GOLGA3: variants seen among roughly 807,000 people sequenced by gnomAD.
GOLGA3 encodes the protein golgin A3, also known as golgin subfamily A member 3.
In GOLGA3, 75 loss-of-function variants were observed where a neutral mutation model predicts 169.4. The observed-to-expected ratio is 0.44, with a 90% CI of 0.37 to 0.54. GOLGA3 has a LOEUF of 0.54. Ranked by LOEUF, GOLGA3 falls within the 20% of genes least tolerant of loss-of-function variation. GOLGA3 has a pLI of 0.00. For synonymous variants in GOLGA3, 824 were observed against 822.4 expected (o/e 1.00, Z -0.03); for missense variants, 1,899 against 1,930.0 (o/e 0.98, Z 0.30).
intron 18 of GOLGA3, among the ~76,000 whole-genome samples, chr12:132,778,432 G>A (rs556532939): frequency 1.4e-4 from 21 of 151,680 alleles, no homozygotes; most frequent in Non-Finnish European, 2.5e-4. Context: ...TTAGCCAGGC[G>A]TGGTGGCGGG....
In GOLGA3 at chr12:132,791,343, A is replaced by C. The variant is rs746785457; in HGVS notation, c.2470-50T>G. The C allele has an allele frequency of 5.9e-6, 6 of 1,024,090 alleles. No homozygotes were observed. The African/African-American group carries it at 9.5e-5, about 16-fold the overall frequency. The allele number at this position is 1,024,090 out of a possible 1,614,324, so 63.4% of individuals were successfully genotyped here. On this transcript the variant is annotated intron_variant, in intron 11 of 23. Coordinates refer to ENST00000450791, the MANE Select transcript of GOLGA3 (RefSeq NM_001389683.1). Reference sequence around the variant, plus strand: ...TTACACTGACGGCTCCAGGAGGGGAATCTGTCTGCACAGATGTTACACTGA... The same window carrying C: ...TTACACTGACGGCTCCAGGAGGGGACTCTGTCTGCACAGATGTTACACTGA...
intron 14 of GOLGA3, 55 bp downstream of exon 14, chr12:132,786,638 G>GCCC: frequency 5.5e-6 from 5 of 915,610 alleles, no homozygotes; most frequent in Non-Finnish European, 7.9e-6. Context: ...CTCCCCCCCG[G>GCCC]CCCCCGCACC....
At chr12:132,818,033 G>A (rs1374807532) in intron 2 of GOLGA3, among the ~76,000 whole-genome samples, 1 of 131,956 alleles carries the variant, frequency 7.6e-6, no homozygotes, top group Non-Finnish European at 1.6e-5. Context: ...GCTCTAAGGT[G>A]AACCCACCCT....
At chr12:132,784,375 GC>G in intron 15 of GOLGA3, 68 bp from the exon 16 acceptor site, 1 of 1,396,024 alleles carries the variant, frequency 7.2e-7, no homozygotes, top group Non-Finnish European at 9.8e-7. Context: ...TTCCTGTGGT[GC>G]CGGCAGGCAT....
Position 132,786,822 on chromosome 12 carries a change from T to G in GOLGA3, c.2812-35A>C, listed in dbSNP as rs1423839579. 4.3e-6 allele frequency: 6 copies of G among 1,393,922 alleles called. No homozygotes were observed. The Admixed American group carries it at 1.0e-4, about 23-fold the overall frequency. The allele number at this position is 1,393,922 out of a possible 1,614,324, so 86.3% of individuals were successfully genotyped here. A position where few individuals can be genotyped will look rare whatever the true frequency, so the allele number is the denominator to read the frequency against. On this transcript the variant is annotated intron_variant, in intron 13 of 23. Transcript: ENST00000450791. ...GGAAGGAGGGCGTGAGGAGCGGCAC[T>G]GCCACCCCCAGCCTGTCTCCCCTTC...
At chr12:132,812,192 T>TACACCC (rs1949748911) in intron 4 of GOLGA3, among the ~76,000 whole-genome samples, 1 of 135,008 alleles carries the variant, frequency 7.4e-6, no homozygotes, top group East Asian at 2.2e-4. Flanking sequence ...TGTCTCAAAA[T>TACACCC]ACACACACAC....
intron 20 of GOLGA3, 60 bp downstream of exon 20, chr12:132,776,898 G>A (rs1339174436): frequency 1.3e-6 from 2 of 1,546,544 alleles, no homozygotes; most frequent in Non-Finnish European, 8.7e-7. Flanking sequence ...AGGATGGAGT[G>A]AAGTCACCCA....
chr12:132,797,051 C>G (rs1018997514), intron 9 of GOLGA3, among the ~76,000 whole-genome samples: 13 of 152,236 alleles, frequency 8.5e-5, no homozygotes, highest in African/African-American at 3.1e-4. Flanking sequence ...GGTAAGAGAC[C>G]AGAGGCCCCC....
chr12:132,784,475 C>T (rs531689111), intron 15 of GOLGA3, among the ~76,000 whole-genome samples, 168 bp from the exon 16 acceptor site: 242 of 152,334 alleles, frequency 1.6e-3, no homozygotes, highest in Non-Finnish European at 1.8e-3. Context: ...ATTAACCGAC[C>T]ACAGCATGCA....
Position 132,798,447 on chromosome 12 carries a change from C to T in GOLGA3, c.1831G>A (p.Glu611Lys). ...VGQMTQAGLL[E>K]HLKLENVSLS... ...GACACATTCTCGAGTTTCAGGTGCT[C>T]CAGGAGACCTGCCTGGGTCATCTGT... Residue 611 changes from glutamate to lysine, a missense_variant, in exon 9 of 24, where the codon GAG (glutamate) becomes AAG (lysine). Transcript: ENST00000450791. 6.2e-7 allele frequency: 1 copy of T among 1,613,018 alleles called. No individual in the cohort carries two copies. The highest frequency in any genetic ancestry group is 8.5e-7 in the Non-Finnish European group (1 of 1,179,610).
chr12:132,779,986 GCA>G (rs1348480353), intron 18 of GOLGA3, among the ~76,000 whole-genome samples: 16 of 97,724 alleles, frequency 1.6e-4, no homozygotes, highest in Admixed American at 1.5e-3. Flanking sequence ...CAGCCCGCGT[GCA>G]CACACACCCC....
intron 11 of GOLGA3, 90 bp from the exon 12 acceptor site, chr12:132,791,383 G>T: frequency 1.5e-6 from 1 of 686,596 alleles, no homozygotes; most frequent in Non-Finnish European, 2.6e-6. Context: ...TCCAGGAGGG[G>T]AACACATCTG....
intron 14 of GOLGA3, 64 bp from the exon 15 acceptor site, chr12:132,786,619 C>A: frequency 6.3e-7 from 1 of 1,585,908 alleles, no homozygotes; most frequent in Non-Finnish European, 8.6e-7. Flanking sequence ...GTCTGGCATT[C>A]TGGTTCGCCT....
chr12:132,818,736 A>G (rs758557197), intron 2 of GOLGA3, among the ~76,000 whole-genome samples: 12 of 152,192 alleles, frequency 7.9e-5, no homozygotes, highest in Non-Finnish European at 1.6e-4. Context: ...GAGTCATTTC[A>G]AAGCCTCAGC....
At chr12:132,789,328 C>T (rs77794360) in intron 12 of GOLGA3, 38 bp from the exon 13 acceptor site, 196,851 of 1,520,776 alleles carry the variant, frequency 0.13, 13,873 homozygotes, top group South Asian at 0.17. Context: ...CGCTGGGCGG[C>T]GGGGCGTGGG....
intron 17 of GOLGA3, among the ~76,000 whole-genome samples, chr12:132,781,327 C>T (rs1368861895): frequency 6.6e-6 from 1 of 151,644 alleles, no homozygotes; most frequent in East Asian, 1.9e-4. Context: ...TTTGGGAGGC[C>T]GAGGCAGGCG....
At chr12:132,774,400 G>A (rs560762265) in intron 22 of GOLGA3, 80 bp from the exon 23 acceptor site, 16 of 1,521,844 alleles carry the variant, frequency 1.1e-5, no homozygotes, top group Admixed American at 6.9e-5. Context: ...TGTGGCAAAC[G>A]GGCCTCCCCA....
chr12:132,779,850 C>CCG (rs1396894710), intron 18 of GOLGA3, among the ~76,000 whole-genome samples: 3 of 103,378 alleles, frequency 2.9e-5, no homozygotes, highest in Non-Finnish European at 6.5e-5. Flanking sequence ...GACACCCCCC[C>CCG]GCGCACATAC....
rs1016045823 is a variant in GOLGA3 at position 132,801,842 on chromosome 12, C to T, written c.1725G>A (p.Arg575=). The change falls in exon 8 of 24, where the codon CGG becomes CGA. Residue 575 remains arginine, a synonymous_variant. Transcript: ENST00000450791. ...QAEISSLQSV[R]QWYQQQLALA... ...GGGCGAGCTGCTGCTGGTACCACTG[C>T]CGGACACTCTGCAGGGACGAGATCT... 12 of 1,608,778 alleles carry T rather than the reference C, an allele frequency of 7.5e-6. No individual in the cohort carries two copies. Among genetic ancestry groups the T allele is most frequent in the South Asian group, 1.1e-5 (1 of 91,088 alleles).
Sources: allele counts gnomAD v4.1 joint callset (sites outside exome capture counted in the v4.1 genomes callset), GRCh38; gene constraint gnomAD v4.1.1; transcripts MANE v1.5; gene names NCBI Gene and HGNC (gene_info 2026-07-23, HGNC 2026-07-21).